The following PSD3 variants were observed in gnomAD, a reference collection of about 807,000 sequenced individuals.
PSD3 encodes the protein pleckstrin and Sec7 domain containing 3, also known as PH and SEC7 domain-containing protein 3.
Under a neutral mutation model 105.5 loss-of-function variants are expected in PSD3, and 49 were observed. That is an observed-to-expected ratio of 0.46 (90% CI 0.37 to 0.59). The LOEUF (loss-of-function observed/expected upper bound fraction) is 0.59, where lower values mean the gene tolerates loss of function less well. Among genes scored for constraint, PSD3 ranks in the 20% least tolerant of loss-of-function variants. The pLI, the probability that PSD3 is intolerant of heterozygous loss-of-function variation, is 0.00. For missense variants in PSD3, 1,561 were observed against 1,263.8 expected (o/e 1.24, Z -3.57); for synonymous variants, 557 against 457.8 (o/e 1.22, Z -2.77).
At chr8:18,790,458 A>T (rs1334179471) in intron 8 of PSD3, among the ~76,000 whole-genome samples, 3 of 151,746 alleles carry the variant, frequency 2.0e-5, no homozygotes, top group Non-Finnish European at 4.4e-5. Flanking sequence ...TCCCGCCACC[A>T]TGCCTGGCTA....
At chr8:18,580,523 C>G (rs1802745619) in intron 12 of PSD3, among the ~76,000 whole-genome samples, 1 of 151,984 alleles carries the variant, frequency 6.6e-6, no homozygotes. Flanking sequence ...GTGTTCCAGC[C>G]TGGGTGAAAC....
At chr8:18,959,362 G>A (rs1233275102) in intron 1 of PSD3, among the ~76,000 whole-genome samples, 1 of 152,056 alleles carries the variant, frequency 6.6e-6, no homozygotes, top group Non-Finnish European at 1.5e-5. Context: ...AAGCCCTGGG[G>A]AATCCATTCT....
chr8:18,966,817 A>T (rs1436101691), intron 1 of PSD3, among the ~76,000 whole-genome samples: 1 of 152,186 alleles, frequency 6.6e-6, no homozygotes, highest in Admixed American at 6.5e-5. Context: ...ATATATTTTT[A>T]AATGAAATGC....
Position 18,535,674 on chromosome 8 carries a change from G to A in PSD3, c.*69C>T. On this transcript the variant is annotated 3_prime_UTR_variant, in exon 16 of 16. Transcript: ENST00000327040. Reference sequence around the variant, plus strand: ...CTTTTTTTTTTTAAATATATTCACGGATTACCAGAAAGATCTTGAAAAACC... The same window carrying A: ...CTTTTTTTTTTTAAATATATTCACGAATTACCAGAAAGATCTTGAAAAACC... The A allele has an allele frequency of 7.8e-7, 1 of 1,287,120 alleles. No individual in the cohort carries two copies. The highest frequency in any genetic ancestry group is 1.1e-6 in the Non-Finnish European group (1 of 894,910). 79.7% of individuals were successfully genotyped at this position (1,287,120 alleles called of 1,614,324 possible).
intron 15 of PSD3, among the ~76,000 whole-genome samples, chr8:18,551,105 G>C: frequency 6.6e-6 from 1 of 152,184 alleles, no homozygotes; most frequent in South Asian, 2.1e-4. Flanking sequence ...CCTTGTGACA[G>C]TTGGCACTGT....
intron 1 of PSD3, among the ~76,000 whole-genome samples, chr8:19,002,771 T>C (rs77181204): frequency 6.6e-6 from 1 of 152,050 alleles, no homozygotes; most frequent in Non-Finnish European, 1.5e-5. Context: ...TTCTTCCACA[T>C]ATTTTGATCT....
At chr8:18,994,928 C>T (rs978654553) in intron 1 of PSD3, among the ~76,000 whole-genome samples, 5 of 151,770 alleles carry the variant, frequency 3.3e-5, no homozygotes, top group African/African-American at 9.7e-5. Context: ...CAACCCCCAC[C>T]GAGACATATC....
chr8:18,639,285 G>T (rs548537469), intron 10 of PSD3, among the ~76,000 whole-genome samples: 2 of 151,618 alleles, frequency 1.3e-5, no homozygotes, highest in East Asian at 2.0e-4. Flanking sequence ...TTGAGAGTTT[G>T]CCTGGTTGCT....
intron 9 of PSD3, among the ~76,000 whole-genome samples, chr8:18,718,007 T>G (rs1364892889): frequency 6.6e-6 from 1 of 152,142 alleles, no homozygotes; most frequent in Non-Finnish European, 1.5e-5. Flanking sequence ...GGGACTCATG[T>G]GCTTGTGTAT....
At chr8:18,862,088 G>A (rs749994498) in intron 4 of PSD3, among the ~76,000 whole-genome samples, 2 of 152,152 alleles carry the variant, frequency 1.3e-5, no homozygotes, top group African/African-American at 2.4e-5. Flanking sequence ...ACTGTCATTG[G>A]TATTCATTTG....
intron 1 of PSD3, among the ~76,000 whole-genome samples, chr8:18,983,457 C>T (rs747935567): frequency 2.0e-5 from 3 of 152,216 alleles, no homozygotes; most frequent in African/African-American, 2.4e-5. Context: ...GGCTTCAACA[C>T]GCCCTTCTCA....
At chr8:18,815,458 G>A (rs930501219) in intron 4 of PSD3, among the ~76,000 whole-genome samples, 1 of 152,042 alleles carries the variant, frequency 6.6e-6, no homozygotes, top group African/African-American at 2.4e-5. Flanking sequence ...ACAGGCGCAT[G>A]CCCCCATGCC....
At chr8:18,970,453 G>T (rs1001255958) in intron 1 of PSD3, among the ~76,000 whole-genome samples, 2 of 151,022 alleles carry the variant, frequency 1.3e-5, no homozygotes, top group Admixed American at 1.3e-4. Flanking sequence ...ATTCCCTAAA[G>T]GTCTGGAAAA....
rs191295509 is a variant in PSD3 at position 18,638,562 on chromosome 8, G to A, written c.2217-5756C>T. 2.8e-4 allele frequency among the ~76,000 whole-genome samples: 42 copies of A among 151,712 alleles called. 1 individual carries two copies. The highest frequency in any genetic ancestry group is 2.7e-3 in the East Asian group (14 of 5,160). ...AAAACAAACAAACAAAAAAAAACAA[G>A]TAGGAATAAATTTAAGCAAGGAGGT... is the stretch of plus-strand genomic sequence containing the variant. On this transcript the variant is annotated intron_variant, in intron 10 of 15. Transcript: ENST00000327040.
intron 9 of PSD3, among the ~76,000 whole-genome samples, chr8:18,687,128 T>G (rs1800699858): frequency 6.6e-6 from 1 of 152,044 alleles, no homozygotes; most frequent in Non-Finnish European, 1.5e-5. Context: ...AATATACAAG[T>G]TTCCCTTCTC....
intron 9 of PSD3, among the ~76,000 whole-genome samples, chr8:18,718,327 C>A (rs558127430): frequency 6.6e-6 from 1 of 152,206 alleles, no homozygotes; most frequent in Admixed American, 6.5e-5. Flanking sequence ...CTCAAATTAA[C>A]TTTACTTTTC....
At chr8:19,073,318 A>C (rs1586695353) in intron 1 of PSD3, among the ~76,000 whole-genome samples, 1 of 152,268 alleles carries the variant, frequency 6.6e-6, no homozygotes, top group East Asian at 1.9e-4. Flanking sequence ...TGGGAGGCCA[A>C]GGCGGGCGGA....
chr8:18,769,912 T>C (rs1447954620), intron 8 of PSD3, among the ~76,000 whole-genome samples: 1 of 152,254 alleles, frequency 6.6e-6, no homozygotes. Flanking sequence ...TTTCTTTTTT[T>C]GGCTATTATA....
chr8:18,841,986 C>T (rs114277580), intron 4 of PSD3, among the ~76,000 whole-genome samples: 1,615 of 152,306 alleles, frequency 0.011, 30 homozygotes, highest in African/African-American at 0.037. Flanking sequence ...ACCCTGCCCA[C>T]GTGTCACAGG....
Sources: allele counts gnomAD v4.1 joint callset (sites outside exome capture counted in the v4.1 genomes callset), GRCh38; gene constraint gnomAD v4.1.1; transcripts MANE v1.5; gene names NCBI Gene and HGNC (gene_info 2026-07-23, HGNC 2026-07-21).